Variants in SOS1 observed in about 807,000 individuals in gnomAD.
The protein encoded by SOS1 is son of sevenless homolog 1.
SOS1 carries 25 observed loss-of-function variants against 157.6 expected under a neutral mutation model. The observed-to-expected ratio is 0.16, with a 90% CI of 0.12 to 0.22. SOS1 has a LOEUF of 0.22. Among genes scored for constraint, SOS1 ranks in the 10% least tolerant of loss-of-function variants. The pLI, the probability that SOS1 is intolerant of heterozygous loss-of-function variation, is 1.00. For missense variants in SOS1, 1,237 were observed against 1,599.1 expected (o/e 0.77, Z 3.86); for synonymous variants, 528 against 534.0 (o/e 0.99, Z 0.16).
At chr2:39,043,413 A>G (rs1490107102) in intron 6 of SOS1, among the ~76,000 whole-genome samples, 2 of 152,182 alleles carry the variant, frequency 1.3e-5, no homozygotes, top group Non-Finnish European at 2.9e-5. Context: ...GTCGTTATGT[A>G]GTTTTGATAA....
chr2:39,051,007 A>G, intron 6 of SOS1, 137 bp downstream of exon 6: 3 of 803,888 alleles, frequency 3.7e-6, no homozygotes, highest in South Asian at 1.4e-5. Flanking sequence ...CAATGACCCT[A>G]TGAAAAAGGA....
At chr2:39,068,157 G>A (rs1671656535) in intron 1 of SOS1, among the ~76,000 whole-genome samples, 2 of 152,140 alleles carry the variant, frequency 1.3e-5, no homozygotes, top group African/African-American at 4.8e-5. Context: ...AATGTGGTCT[G>A]GCTTGCAAAT....
At chr2:39,018,360 C>G (rs555712310) in intron 10 of SOS1, among the ~76,000 whole-genome samples, 11 of 151,864 alleles carry the variant, frequency 7.2e-5, no homozygotes, top group African/African-American at 2.4e-4. Flanking sequence ...TGCTACTTGA[C>G]TCTCAAATCC....
At chr2:38,988,664 C>T (rs894996004) in intron 21 of SOS1, among the ~76,000 whole-genome samples, 4 of 151,936 alleles carry the variant, frequency 2.6e-5, no homozygotes, top group Non-Finnish European at 5.9e-5. Flanking sequence ...TTCCATTGTA[C>T]ATATTTTGAA....
At position 39,061,505 on chromosome 2, in the gene SOS1, C is replaced by T. The variant is rs375135031; in HGVS notation, c.214-2701G>A. ...TGGGCTCAAGTGATCTCCCTGCCTC[C>T]GCCTCCCAAGTAGCTGGGACTATAA... On this transcript the variant is annotated intron_variant, in intron 2 of 22. Transcript: ENST00000402219. 3.3e-5 allele frequency among the ~76,000 whole-genome samples: 5 copies of T among 152,114 alleles called. No homozygotes were observed. In the South Asian group the frequency reaches 8.3e-4, roughly 25 times the overall value.
At chr2:39,011,562 CATTT>C (rs751776067) in intron 14 of SOS1, among the ~76,000 whole-genome samples, 41 of 152,186 alleles carry the variant, frequency 2.7e-4, no homozygotes, top group Non-Finnish European at 5.0e-4. Flanking sequence ...CTCATTTTCT[CATTT>C]AGTTATTAAA....
At chr2:39,035,574 A>C (rs980935169) in intron 6 of SOS1, 74 bp from the exon 7 acceptor site, 27 of 1,040,574 alleles carry the variant, frequency 2.6e-5, no homozygotes, top group Non-Finnish European at 3.7e-5. Flanking sequence ...ATGGGGCACG[A>C]CTATGCGAGC....
At chr2:39,014,928 T>G (rs982597661) in intron 10 of SOS1, 82 bp from the exon 11 acceptor site, 1 of 838,946 alleles carries the variant, frequency 1.2e-6, no homozygotes, top group African/African-American at 1.7e-5. Flanking sequence ...TCAAAATAGA[T>G]CAAATAGTCA....
chr2:39,067,849 T>A, intron 1 of SOS1, 96 bp from the exon 2 acceptor site: 1 of 1,098,008 alleles, frequency 9.1e-7, no homozygotes, highest in South Asian at 1.2e-5. Flanking sequence ...CCGGGCACGG[T>A]GGCTCATGCC....
intron 17 of SOS1, among the ~76,000 whole-genome samples, chr2:39,003,695 T>G (rs1669185256): frequency 6.6e-6 from 1 of 152,288 alleles, no homozygotes; most frequent in East Asian, 1.9e-4. Context: ...CCAGTTACAT[T>G]TGGGGGCATC....
chr2:39,074,791 C>T (rs908061163), intron 1 of SOS1, among the ~76,000 whole-genome samples: 21 of 151,344 alleles, frequency 1.4e-4, no homozygotes, highest in Admixed American at 2.6e-4. Flanking sequence ...TGCTTGAACC[C>T]GGGAGGCGGA....
In SOS1 at chr2:39,093,686, AG is replaced by A. The variant is rs1672670549; in HGVS notation, c.88-25934del. Among the ~76,000 whole-genome samples the A allele has an allele frequency of 2.6e-5, 4 of 152,366 alleles. No homozygotes were observed. The East Asian group carries it at 7.7e-4, about 29-fold the overall frequency. On this transcript the variant is annotated intron_variant, in intron 1 of 22. Coordinates refer to ENST00000402219, the MANE Select transcript of SOS1 (RefSeq NM_005633.4). ...AGTGTGACTACAGCAGAGTCAGCAG[AG>A]CCAGCAGAGCTGGAGATGAGATCAG...
At chr2:39,075,511 A>G (rs1171446817) in intron 1 of SOS1, among the ~76,000 whole-genome samples, 1 of 152,090 alleles carries the variant, frequency 6.6e-6, no homozygotes, top group African/African-American at 2.4e-5. Flanking sequence ...TAAATAAAAA[A>G]CAAACTTGAA....
intron 6 of SOS1, among the ~76,000 whole-genome samples, chr2:39,038,410 T>G (rs546078985): frequency 5.3e-5 from 8 of 152,154 alleles, no homozygotes; most frequent in African/African-American, 1.7e-4. Flanking sequence ...AAAACTTGAA[T>G]GGAGAATTTG....
intron 1 of SOS1, among the ~76,000 whole-genome samples, chr2:39,089,276 C>A (rs1331800270): frequency 2.0e-5 from 3 of 152,176 alleles, no homozygotes; most frequent in Non-Finnish European, 4.4e-5. Flanking sequence ...GTAATCTCAG[C>A]ACTTTGGCCA....
intron 1 of SOS1, among the ~76,000 whole-genome samples, chr2:39,077,744 T>C (rs1672065334): frequency 6.6e-6 from 1 of 152,146 alleles, no homozygotes; most frequent in Admixed American, 6.6e-5. Context: ...GATCATCCAA[T>C]ATATAGTGCT....
chr2:39,031,973 G>A (rs1447268548), intron 8 of SOS1, among the ~76,000 whole-genome samples: 1 of 152,034 alleles, frequency 6.6e-6, no homozygotes, highest in Non-Finnish European at 1.5e-5. Context: ...TATTTTTTCA[G>A]TGTCAGCAGC....
chr2:39,096,190 A>G (rs1424727653), intron 1 of SOS1, among the ~76,000 whole-genome samples: 1 of 152,222 alleles, frequency 6.6e-6, no homozygotes, highest in Non-Finnish European at 1.5e-5. Flanking sequence ...GGCTAGAGAT[A>G]AAGTTTTTAA....
At chr2:39,038,820 A>G (rs1321594001) in intron 6 of SOS1, among the ~76,000 whole-genome samples, 1 of 150,566 alleles carries the variant, frequency 6.6e-6, no homozygotes, top group Non-Finnish European at 1.5e-5. Flanking sequence ...AAGGACTTAG[A>G]ATATTACATC....
Sources: allele counts gnomAD v4.1 joint callset (sites outside exome capture counted in the v4.1 genomes callset), GRCh38; gene constraint gnomAD v4.1.1; transcripts MANE v1.5; gene names NCBI Gene and HGNC (gene_info 2026-07-23, HGNC 2026-07-21).